Variants in PPM1H observed in about 807,000 individuals in gnomAD.
The protein encoded by PPM1H is protein phosphatase 1H.
Under a neutral mutation model 54.9 loss-of-function variants are expected in PPM1H, and 27 were observed. That is an observed-to-expected ratio of 0.49 (90% confidence interval 0.36 to 0.68). The LOEUF (loss-of-function observed/expected upper bound fraction) is 0.68, where lower values mean the gene tolerates loss of function less well. Ranked by LOEUF, PPM1H falls within the 30% of genes least tolerant of loss-of-function variation. The probability of loss-of-function intolerance (pLI) is 0.00; values close to 1 mark genes in which losing one functional copy is unlikely to be tolerated. For synonymous variants in PPM1H, 305 were observed against 270.8 expected (o/e 1.13, Z -1.24); for missense variants, 596 against 667.8 (o/e 0.89, Z 1.19).
chr12:62,837,743 T>C (rs1000446723), intron 1 of PPM1H, among the ~76,000 whole-genome samples: 1 of 152,244 alleles, frequency 6.6e-6, no homozygotes, highest in Non-Finnish European at 1.5e-5. Context: ...ACTTAAAATA[T>C]GTTATTTAAT....
chr12:62,707,226 G>A (rs2076180298), intron 6 of PPM1H, among the ~76,000 whole-genome samples: 1 of 152,168 alleles, frequency 6.6e-6, no homozygotes, highest in Non-Finnish European at 1.5e-5. Flanking sequence ...GGACTATCCA[G>A]GTTATGGGCA....
intron 9 of PPM1H, chr12:62,659,298 A>AAAAAAAAAAAAAAAAAAG (rs1565747330): frequency 2.1e-6 from 1 of 484,528 alleles, no homozygotes. Flanking sequence ...AAAAGAGAAA[A>AAAAAAAAAAAAAAAAAAG]ACTTACTGCA....
chr12:62,919,051 A>G lies in PPM1H; in HGVS notation c.245+15441T>C, dbSNP rs181208131. ...CAGTGGAGATAGAAATTTTTACAAG[A>G]GAAACTTTTGCCAAAGGGTCAAACT... On this transcript the variant is annotated intron_variant, in intron 1 of 9. Transcript: ENST00000228705. Among the ~76,000 whole-genome samples the G allele has an allele frequency of 4.2e-3, 638 of 152,356 alleles. 1 individual carries two copies. Among genetic ancestry groups the G allele is most frequent in the Non-Finnish European group, 7.1e-3 (484 of 68,032 alleles).
At chr12:62,788,639 A>G (rs555387380) in intron 3 of PPM1H, among the ~76,000 whole-genome samples, 3 of 152,354 alleles carry the variant, frequency 2.0e-5, no homozygotes, top group African/African-American at 7.2e-5. Flanking sequence ...CAGCTTATGG[A>G]AAATTTAGTC....
chr12:62,790,905 A>G (rs1017843254), intron 3 of PPM1H, among the ~76,000 whole-genome samples: 2 of 152,208 alleles, frequency 1.3e-5, no homozygotes, highest in Admixed American at 6.5e-5. Context: ...AGGCTAAATT[A>G]GCTGGCATGT....
At chr12:62,832,613 C>T (rs913822978) in intron 1 of PPM1H, among the ~76,000 whole-genome samples, 23 of 152,100 alleles carry the variant, frequency 1.5e-4, no homozygotes, top group African/African-American at 3.1e-4. Context: ...CTGAATGTTT[C>T]GGCAATTACA....
At chr12:62,875,451 G>A (rs915987928) in intron 1 of PPM1H, among the ~76,000 whole-genome samples, 4 of 152,182 alleles carry the variant, frequency 2.6e-5, no homozygotes, top group South Asian at 2.1e-4. Context: ...AGAGGATGGC[G>A]AGGAAAGGTA....
At chr12:62,859,366 C>A (rs559098799) in intron 1 of PPM1H, among the ~76,000 whole-genome samples, 67 of 152,316 alleles carry the variant, frequency 4.4e-4, no homozygotes, top group African/African-American at 1.5e-3. Flanking sequence ...TTTTCCGGCT[C>A]CACAGGTAAA....
chr12:62,761,945 G>A (rs140536676), intron 4 of PPM1H, among the ~76,000 whole-genome samples: 29 of 152,306 alleles, frequency 1.9e-4, no homozygotes, highest in Admixed American at 1.9e-3. Flanking sequence ...CCCACTCTCA[G>A]GACCTGCCAT....
chr12:62,684,011 C>T (rs1311016884), intron 8 of PPM1H, among the ~76,000 whole-genome samples: 1 of 152,204 alleles, frequency 6.6e-6, no homozygotes, highest in African/African-American at 2.4e-5. Flanking sequence ...GCCTGGGCTC[C>T]AGTGCGTTTG....
intron 6 of PPM1H, among the ~76,000 whole-genome samples, chr12:62,706,982 C>A (rs1267838493): frequency 6.6e-6 from 1 of 152,198 alleles, no homozygotes; most frequent in Non-Finnish European, 1.5e-5. Flanking sequence ...TTAGATTTAA[C>A]CTGAGCTTTG....
At chr12:62,765,525 C>T (rs543717054) in intron 4 of PPM1H, among the ~76,000 whole-genome samples, 1 of 152,288 alleles carries the variant, frequency 6.6e-6, no homozygotes, top group South Asian at 2.1e-4. Flanking sequence ...ATCAATTTTT[C>T]AACACCTAAG....
intron 4 of PPM1H, among the ~76,000 whole-genome samples, chr12:62,775,002 A>T (rs781356784): frequency 3.9e-5 from 6 of 152,216 alleles, no homozygotes; most frequent in Admixed American, 6.5e-5. Flanking sequence ...TGGTTCCCAC[A>T]GTGGCCCCAA....
intron 2 of PPM1H, among the ~76,000 whole-genome samples, chr12:62,817,163 A>AG (rs1276126351): frequency 5.6e-5 from 5 of 89,778 alleles, no homozygotes; most frequent in Non-Finnish European, 1.0e-4. Flanking sequence ...AAAAAAAAGA[A>AG]AAAAAAAAAA....
intron 2 of PPM1H, among the ~76,000 whole-genome samples, chr12:62,806,158 T>A (rs969251755): frequency 6.6e-6 from 1 of 151,840 alleles, no homozygotes; most frequent in African/African-American, 2.4e-5. Context: ...ATCTACCCTA[T>A]GGCAATAAAT....
chr12:62,752,827 A>T (rs566887797), intron 4 of PPM1H, among the ~76,000 whole-genome samples: 1 of 152,336 alleles, frequency 6.6e-6, no homozygotes, highest in South Asian at 2.1e-4. Context: ...TGGGAATTAA[A>T]GGAGAAGAAA....
At chr12:62,890,383 G>C (rs1411832105) in intron 1 of PPM1H, among the ~76,000 whole-genome samples, 1 of 152,156 alleles carries the variant, frequency 6.6e-6, no homozygotes, top group Non-Finnish European at 1.5e-5. Context: ...GCTTGAGCCT[G>C]GAAGGTCAAG....
Position 62,645,667 on chromosome 12 carries a change from G to A in PPM1H, c.*2822C>T, listed in dbSNP as rs550536828. The A allele has an allele frequency of 1.3e-5, 2 of 152,222 alleles. No homozygotes were observed. Among genetic ancestry groups the A allele is most frequent in the Non-Finnish European group, 2.9e-5 (2 of 68,076 alleles). 9.4% of individuals were successfully genotyped at this position (152,222 alleles called of 1,614,324 possible). On this transcript the variant is annotated 3_prime_UTR_variant, in exon 10 of 10. Transcript: ENST00000228705. ...GTCTGAAGAGGCCCAGCCCAGCAAAGAGATTTAGAGCAGGAAAGCCTTTCA... is the reference window on the plus strand; with the variant it reads ...GTCTGAAGAGGCCCAGCCCAGCAAAAAGATTTAGAGCAGGAAAGCCTTTCA...
chr12:62,773,289 A>C (rs1486875653), intron 4 of PPM1H, among the ~76,000 whole-genome samples: 1 of 152,140 alleles, frequency 6.6e-6, no homozygotes, highest in Non-Finnish European at 1.5e-5. Context: ...AGCCTAAGTG[A>C]TGTAGGGAGA....
Sources: gnomAD v4.1 joint callset for allele counts (sites outside exome capture counted in the v4.1 genomes callset) on GRCh38, gnomAD v4.1.1 for gene constraint, MANE v1.5 for transcripts, NCBI Gene and HGNC (gene_info 2026-07-23, HGNC 2026-07-21) for gene names.